The following PRKCQ variants were observed in gnomAD, a reference collection of about 807,000 sequenced individuals.
The protein encoded by PRKCQ is protein kinase C theta.
PRKCQ carries 41 observed loss-of-function variants against 91.2 expected under a neutral mutation model. The observed-to-expected ratio is 0.45, with a 90% CI of 0.35 to 0.58. The LOEUF is 0.58. Ranked by LOEUF, PRKCQ falls within the 20% of genes least tolerant of loss-of-function variation. PRKCQ has a pLI of 0.00. For synonymous variants in PRKCQ, 307 were observed against 316.9 expected (o/e 0.97, Z 0.33); for missense variants, 673 against 896.5 (o/e 0.75, Z 3.18).
At position 6,491,744 on chromosome 10, in the gene PRKCQ, G is replaced by A. The variant is rs781362969; in HGVS notation, c.729C>T (p.Thr243=). 130 of 1,614,104 alleles carry A rather than the reference G, an allele frequency of 8.1e-5. No individual in the cohort carries two copies. Among genetic ancestry groups the A allele is most frequent in the Non-Finnish European group, 1.0e-4 (121 of 1,180,046 alleles). Residue 243 remains threonine, a synonymous_variant, in exon 8 of 18, where the codon ACC becomes ACT. Transcript: ENST00000263125. The part of the protein sequence containing the change: ...RFKVYNYKSP[T]FCEHCGTLLW... Reference sequence around the variant, plus strand: ...GCAGGGTCCCACAGTGTTCACAGAAGGTCGGGCTCTTGTAATTGTAGACTT... The same window carrying A: ...GCAGGGTCCCACAGTGTTCACAGAAAGTCGGGCTCTTGTAATTGTAGACTT...
At chr10:6,397,212 T>C in the PRKCQ span, among the ~76,000 whole-genome samples, 1 of 152,166 alleles carries the variant, frequency 6.6e-6, no homozygotes, top group African/African-American at 2.4e-5. Flanking sequence ...TTCTCTTGCG[T>C]CAGCCTCCCG....
At chr10:6,445,156 A>G (rs1834209163) in intron 15 of PRKCQ, among the ~76,000 whole-genome samples, 1 of 149,096 alleles carries the variant, frequency 6.7e-6, no homozygotes, top group South Asian at 2.1e-4. Flanking sequence ...AAAATTCCAG[A>G]CATTCCAGTA....
the PRKCQ span, among the ~76,000 whole-genome samples, chr10:6,399,307 A>G: frequency 7.2e-3 from 1,094 of 152,296 alleles, 10 homozygotes; most frequent in African/African-American, 0.025. Context: ...GAATATTTAA[A>G]CATAAACACA....
chr10:6,538,389 G>C (rs1400151652), intron 1 of PRKCQ, among the ~76,000 whole-genome samples: 6 of 152,256 alleles, frequency 3.9e-5, no homozygotes, highest in African/African-American at 1.4e-4. Context: ...ATTCCAGACA[G>C]GAATGACCTC....
At chr10:6,514,065 T>C (rs1233890113) in intron 2 of PRKCQ, among the ~76,000 whole-genome samples, 1 of 152,184 alleles carries the variant, frequency 6.6e-6, no homozygotes, top group Non-Finnish European at 1.5e-5. Flanking sequence ...CTTGTTTGAC[T>C]TTTTTTCCCT....
the PRKCQ span, among the ~76,000 whole-genome samples, chr10:6,394,232 C>T: frequency 6.6e-6 from 1 of 152,184 alleles, no homozygotes; most frequent in African/African-American, 2.4e-5. Flanking sequence ...ACGACTTTGA[C>T]ACACTCTGGG....
chr10:6,513,241 T>TTAAATCCTG lies in PRKCQ; in HGVS notation c.118+1768_118+1776dup, dbSNP rs1470366609. Among the ~76,000 whole-genome samples, 3 of 152,180 alleles carry TTAAATCCTG rather than the reference T, an allele frequency of 2.0e-5. No individual in the cohort carries two copies. The East Asian group carries it at 5.8e-4, about 29-fold the overall frequency. On this transcript the variant is annotated intron_variant, in intron 2 of 17. Transcript: ENST00000263125. ...TTACACCCCAAGAACTGAAATGTGTTTAAATCCTGTAGAAGTAAATATTGA... is the reference window on the plus strand; with the variant it reads ...TTACACCCCAAGAACTGAAATGTGTTTAAATCCTGTAAATCCTGTAGAAGTAAATATTGA...
At chr10:6,509,094 A>G (rs1472487498) in intron 3 of PRKCQ, among the ~76,000 whole-genome samples, 1 of 152,188 alleles carries the variant, frequency 6.6e-6, no homozygotes, top group African/African-American at 2.4e-5. Flanking sequence ...AGAAAACAAA[A>G]AAACCCACCA....
chr10:6,493,173 T>A (rs140785085), intron 7 of PRKCQ, among the ~76,000 whole-genome samples: 182 of 152,228 alleles, frequency 1.2e-3, no homozygotes, highest in African/African-American at 4.2e-3. Context: ...TGAAAACCAA[T>A]GAGCTACATG....
downstream of PRKCQ, among the ~76,000 whole-genome samples, chr10:6,425,606 C>T (rs1833098246): frequency 6.6e-6 from 1 of 152,052 alleles, no homozygotes; most frequent in Non-Finnish European, 1.5e-5. Context: ...AAGTACTTCG[C>T]ACACTCAGAA....
rs1588442506 is a variant in PRKCQ, at chr10:6,576,807, A to G, written c.-10+3404T>C. 6.6e-6 allele frequency among the ~76,000 whole-genome samples: 1 copy of G among 152,074 alleles called. No homozygotes were observed. The highest frequency in any genetic ancestry group is 1.9e-4 in the East Asian group (1 of 5,198). Reference sequence around the variant, plus strand: ...TGGTTAGACTAATCTGGATGGTCCAACTAACCTGACTCTACCACTGACTGG... The same window carrying G: ...TGGTTAGACTAATCTGGATGGTCCAGCTAACCTGACTCTACCACTGACTGG... On this transcript the variant is annotated intron_variant, in intron 1 of 17. Coordinates refer to ENST00000263125, the MANE Select transcript of PRKCQ (RefSeq NM_006257.5). The surrounding 1 kb of genome is among the most constrained non-coding windows in gnomAD (Gnocchi z 4.2).
At chr10:6,485,572 T>G (rs1836859747) in intron 9 of PRKCQ, among the ~76,000 whole-genome samples, 1 of 152,192 alleles carries the variant, frequency 6.6e-6, no homozygotes, top group Admixed American at 6.5e-5. Flanking sequence ...GGAAAACAGC[T>G]GATACAGGCA....
At chr10:6,514,186 A>G (rs915746527) in intron 2 of PRKCQ, among the ~76,000 whole-genome samples, 1 of 152,096 alleles carries the variant, frequency 6.6e-6, no homozygotes, top group Non-Finnish European at 1.5e-5. Flanking sequence ...CATCATTATC[A>G]TTCCCTACAA....
chr10:6,460,928 T>C (rs1302960994), intron 14 of PRKCQ, among the ~76,000 whole-genome samples: 2 of 111,092 alleles, frequency 1.8e-5, no homozygotes, highest in East Asian at 4.4e-4. Flanking sequence ...CATCTGTTCA[T>C]CCATCCGTTG....
rs568184580 is a variant in PRKCQ, at chr10:6,451,973, C to T, written c.1647+4701G>A. On this transcript the variant is annotated intron_variant, in intron 15 of 17. Transcript: ENST00000263125. The stretch of plus-strand genomic sequence containing the variant: ...TGACAAACCCACAGCCAATATCATA[C>T]GGAATGGGCAAAAACTGGAAGCATT... 2.0e-3 allele frequency among the ~76,000 whole-genome samples: 301 copies of T among 152,250 alleles called. 1 individual carries two copies. The highest frequency in any genetic ancestry group is 6.3e-3 in the African/African-American group (263 of 41,538).
intron 1 of PRKCQ, chr10:6,515,354 G>A: frequency 6.8e-7 from 1 of 1,470,844 alleles, no homozygotes; most frequent in Non-Finnish European, 8.9e-7. Flanking sequence ...GAGGGGAGAG[G>A]CTTTCTGGAA....
intron 1 of PRKCQ, among the ~76,000 whole-genome samples, chr10:6,572,544 T>A (rs1031201474): frequency 1.3e-5 from 2 of 152,224 alleles, no homozygotes; most frequent in Non-Finnish European, 2.9e-5. Flanking sequence ...TCTATCCATG[T>A]CCCTGCAAAG....
chr10:6,396,219 A>C, the PRKCQ span, among the ~76,000 whole-genome samples: 1 of 152,176 alleles, frequency 6.6e-6, no homozygotes, highest in Non-Finnish European at 1.5e-5. Context: ...AACTTGGCTA[A>C]AACTAAGGCT....
At chr10:6,460,725 A>C (rs1214938713) in intron 14 of PRKCQ, among the ~76,000 whole-genome samples, 1 of 152,158 alleles carries the variant, frequency 6.6e-6, no homozygotes, top group African/African-American at 2.4e-5. Context: ...TCCTAACCCC[A>C]GGTGATCCAT....
Sources: allele counts gnomAD v4.1 joint callset (sites outside exome capture counted in the v4.1 genomes callset), GRCh38; gene constraint gnomAD v4.1.1; non-coding constraint Gnocchi (gnomAD v3.1); transcripts MANE v1.5; gene names NCBI Gene and HGNC (gene_info 2026-07-23, HGNC 2026-07-21).